The following MYT1L variants were observed in gnomAD, a reference collection of about 807,000 sequenced individuals.
The protein encoded by MYT1L is myelin transcription factor 1-like protein.
A neutral mutation model predicts 126.7 loss-of-function variants in MYT1L; 12 were observed. The observed-to-expected ratio is 0.09, with a 90% CI of 0.06 to 0.15. The LOEUF (loss-of-function observed/expected upper bound fraction) is 0.15. MYT1L is among the 10% of genes least tolerant of loss of function. MYT1L has a pLI of 1.00. For missense variants in MYT1L, 979 were observed against 1,585.2 expected (o/e 0.62, Z 6.49); for synonymous variants, 541 against 604.2 (o/e 0.90, Z 1.53).
At chr2:2,117,655 A>G (rs935845518) in intron 3 of MYT1L, among the ~76,000 whole-genome samples, 2 of 152,212 alleles carry the variant, frequency 1.3e-5, no homozygotes, top group African/African-American at 4.8e-5. Context: ...TATATTCTAA[A>G]CAGCATAATA....
At chr2:2,324,224 A>G (rs965825107) in intron 1 of MYT1L, 28 of 152,164 alleles carry the variant, frequency 1.8e-4, no homozygotes, top group African/African-American at 6.5e-4. Flanking sequence ...AGTCGTCCCA[A>G]TGAATTATCT....
intron 2 of MYT1L, among the ~76,000 whole-genome samples, chr2:2,234,704 C>A (rs535788551): frequency 2.6e-5 from 4 of 152,306 alleles, no homozygotes; most frequent in African/African-American, 9.6e-5. Context: ...AATATCCTGA[C>A]TTGAATTACT....
At chr2:2,008,873 A>G (rs907607924) in intron 4 of MYT1L, among the ~76,000 whole-genome samples, 3 of 152,142 alleles carry the variant, frequency 2.0e-5, no homozygotes, top group African/African-American at 7.2e-5. Flanking sequence ...TGTATAAGAC[A>G]AGGATCCAAT....
In MYT1L at chr2:1,790,633, A is replaced by G. The variant is rs2031904736; in HGVS notation, c.*1234T>C. ...GGTCTCCACCCAAGTGTAGAACAGAAACGTCGTGGTAAGAGTCCTCTGAAT... is the reference window on the plus strand; with the variant it reads ...GGTCTCCACCCAAGTGTAGAACAGAGACGTCGTGGTAAGAGTCCTCTGAAT... On this transcript the variant is annotated 3_prime_UTR_variant, in exon 25 of 25. Transcript: ENST00000647738. The G allele has an allele frequency of 6.6e-6, 1 of 152,442 alleles. No individual in the cohort carries two copies. Among genetic ancestry groups the G allele is most frequent in the Non-Finnish European group, 1.5e-5 (1 of 68,240 alleles). 9.4% of individuals were successfully genotyped at this position (152,442 alleles called of 1,614,324 possible). A position where few individuals can be genotyped will look rare whatever the true frequency, so the allele number is the denominator to read the frequency against.
intron 21 of MYT1L, chr2:1,809,977 G>A (rs2036330047): frequency 6.6e-6 from 1 of 152,118 alleles, no homozygotes; most frequent in Non-Finnish European, 1.5e-5. Flanking sequence ...CCCGTGCCTC[G>A]GCTTCCTCAC....
intron 2 of MYT1L, among the ~76,000 whole-genome samples, chr2:2,211,299 C>T (rs2093496723): frequency 6.6e-6 from 1 of 152,138 alleles, no homozygotes; most frequent in Admixed American, 6.6e-5. Flanking sequence ...TTTTAAACAT[C>T]CATTTTCAAA....
At chr2:1,798,853 G>A (rs536098108) in intron 23 of MYT1L, among the ~76,000 whole-genome samples, 1 of 152,350 alleles carries the variant, frequency 6.6e-6, no homozygotes, top group South Asian at 2.1e-4. Context: ...CCGGGCAGTG[G>A]CCGAGGCACA....
intron 2 of MYT1L, among the ~76,000 whole-genome samples, chr2:2,212,113 C>G (rs1221087530): frequency 6.6e-6 from 1 of 152,082 alleles, no homozygotes; most frequent in Non-Finnish European, 1.5e-5. Context: ...ATGGCGGTGT[C>G]TATATGCGTA....
intron 4 of MYT1L, among the ~76,000 whole-genome samples, chr2:2,007,953 G>A (rs759147372): frequency 7.2e-5 from 11 of 152,212 alleles, no homozygotes; most frequent in Non-Finnish European, 1.5e-4. Flanking sequence ...ATTCTGCTAA[G>A]GTGTGGACAT....
At chr2:2,318,564 A>C (rs1171139279) in intron 1 of MYT1L, among the ~76,000 whole-genome samples, 1 of 152,184 alleles carries the variant, frequency 6.6e-6, no homozygotes, top group Non-Finnish European at 1.5e-5. Context: ...ATATTAGCTA[A>C]AAAAACACTT....
chr2:2,303,442 A>G (rs2095814913), intron 1 of MYT1L: 1 of 152,456 alleles, frequency 6.6e-6, no homozygotes, highest in Non-Finnish European at 1.5e-5. Flanking sequence ...CTTATTTTCC[A>G]AACATATACA....
intron 1 of MYT1L, among the ~76,000 whole-genome samples, chr2:2,293,286 G>T (rs1453918551): frequency 6.6e-6 from 1 of 152,202 alleles, no homozygotes; most frequent in Non-Finnish European, 1.5e-5. Flanking sequence ...GAAAATGCCT[G>T]TGTATTCTTA....
chr2:2,251,707 C>T (rs1405968494), intron 2 of MYT1L, among the ~76,000 whole-genome samples: 1 of 151,996 alleles, frequency 6.6e-6, no homozygotes. Flanking sequence ...AGATCTATTA[C>T]AGGATCTGAA....
At chr2:1,814,840 C>T (rs1021988959) in intron 21 of MYT1L, among the ~76,000 whole-genome samples, 30 of 152,186 alleles carry the variant, frequency 2.0e-4, no homozygotes, top group Non-Finnish European at 2.5e-4. Flanking sequence ...AGTGGAACCT[C>T]GTTTCCCTGG....
At chr2:1,956,288 CATCT>C (rs145471548) in intron 8 of MYT1L, among the ~76,000 whole-genome samples, 17,784 of 144,034 alleles carry the variant, frequency 0.12, 2,000 homozygotes, top group East Asian at 0.33. Context: ...ACCTATCTAT[CATCT>C]ATCTATCCTA....
intron 18 of MYT1L, 125 bp from the exon 19 acceptor site, chr2:1,851,828 G>A: frequency 3.3e-6 from 3 of 905,262 alleles, no homozygotes; most frequent in Non-Finnish European, 5.3e-6. Flanking sequence ...AAGAGGCTGA[G>A]TGGAGCCGGA....
rs145539070 is a variant in MYT1L at position 1,848,012 on chromosome 2, C to T, written c.2774+3629G>A. 9.9e-4 allele frequency among the ~76,000 whole-genome samples: 151 copies of T among 152,304 alleles called. 1 individual carries two copies. Among genetic ancestry groups the T allele is most frequent in the African/African-American group, 3.4e-3 (140 of 41,576 alleles). On this transcript the variant is annotated intron_variant, in intron 19 of 24. Coordinates refer to ENST00000647738, the MANE Select transcript of MYT1L (RefSeq NM_001303052.2). The surrounding 1 kb of genome is among the most constrained non-coding windows in gnomAD (Gnocchi z 4.8). Reference sequence around the variant, plus strand: ...CCAGGAGGTGGGACTCGGAGTCAGACGACATGGGCTCCAGTTGCAGCTCTG... The same window carrying T: ...CCAGGAGGTGGGACTCGGAGTCAGATGACATGGGCTCCAGTTGCAGCTCTG...
intron 9 of MYT1L, among the ~76,000 whole-genome samples, chr2:1,940,173 C>T (rs1418947874): frequency 1.3e-5 from 2 of 151,940 alleles, no homozygotes; most frequent in Admixed American, 1.3e-4. Flanking sequence ...ACACTGGTAG[C>T]AGGTAGGTTA....
chr2:1,810,454 T>C (rs2036426594), intron 21 of MYT1L, among the ~76,000 whole-genome samples: 3 of 152,318 alleles, frequency 2.0e-5, no homozygotes, highest in Admixed American at 2.0e-4. Context: ...ATGTTTTATA[T>C]ATGTATATGA....
Sources: gnomAD v4.1 joint callset for allele counts (sites outside exome capture counted in the v4.1 genomes callset) on GRCh38, gnomAD v4.1.1 for gene constraint, Gnocchi (gnomAD v3.1) non-coding constraint, MANE v1.5 for transcripts, NCBI Gene and HGNC (gene_info 2026-07-23, HGNC 2026-07-21) for gene names.